The following BTBD16 variants were observed in gnomAD, a reference collection of about 807,000 sequenced individuals.
The protein encoded by BTBD16 is BTB/POZ domain-containing protein 16.
Under a neutral mutation model 67.4 loss-of-function variants are expected in BTBD16, and 66 were observed. The observed-to-expected ratio is 0.98, with a 90% CI of 0.80 to 1.20. The LOEUF is 1.20. BTBD16 is among the 50% of genes most tolerant of loss of function. The probability of loss-of-function intolerance (pLI) is 0.00; values close to 1 mark genes in which losing one functional copy is unlikely to be tolerated. For synonymous variants in BTBD16, 242 were observed against 236.4 expected (o/e 1.02, Z -0.22); for missense variants, 634 against 616.0 (o/e 1.03, Z -0.31).
Position 122,329,630 on chromosome 10 carries a change from C to A in BTBD16, c.1003+59C>A. On this transcript the variant is annotated intron_variant, in intron 11 of 15. Coordinates refer to ENST00000260723, the MANE Select transcript of BTBD16 (RefSeq NM_144587.5). The stretch of plus-strand genomic sequence containing the variant: ...AAAGCTGCTGGGCACCTGCCCACCC[C>A]CCAGCCACTGCCGGGGGAGCCCCAC... 3 of 1,442,162 alleles carry A rather than the reference C, an allele frequency of 2.1e-6. No individual in the cohort carries two copies. The South Asian group carries it at 3.5e-5, about 17-fold the overall frequency. The allele number at this position is 1,442,162 out of a possible 1,614,324, so 89.3% of individuals were successfully genotyped here.
chr10:122,290,828 C>T (rs941218389), intron 6 of BTBD16, among the ~76,000 whole-genome samples: 4 of 152,184 alleles, frequency 2.6e-5, no homozygotes, highest in African/African-American at 9.7e-5. Flanking sequence ...ATGGTCTCAC[C>T]CCTGAGAACA....
At position 122,276,543 on chromosome 10, in the gene BTBD16, C is replaced by T. The variant is rs966702383; in HGVS notation, c.19-248C>T. ...GCAAAAAACAGTCTTTCTCCTTGAC[C>T]TCTTACCCTCTGACACCTCTTGTCC... On this transcript the variant is annotated intron_variant, in intron 2 of 15. Coordinates refer to ENST00000260723, the MANE Select transcript of BTBD16 (RefSeq NM_144587.5). Among the ~76,000 whole-genome samples, 3 of 152,160 alleles carry T rather than the reference C, an allele frequency of 2.0e-5. No individual in the cohort carries two copies. In the East Asian group the frequency reaches 5.8e-4, roughly 29 times the overall value.
At chr10:122,323,761 C>T (rs897883289) in intron 10 of BTBD16, among the ~76,000 whole-genome samples, 2 of 152,134 alleles carry the variant, frequency 1.3e-5, no homozygotes, top group Non-Finnish European at 2.9e-5. Context: ...TCTGGTCTCA[C>T]CCTTTCATTT....
intron 1 of BTBD16, among the ~76,000 whole-genome samples, chr10:122,273,241 TATATAC>T (rs1353501930): frequency 4.0e-5 from 6 of 148,896 alleles, no homozygotes; most frequent in African/African-American, 1.5e-4. Flanking sequence ...TATATATATA[TATATAC>T]ACACATACAT....
chr10:122,281,034 C>T (rs554246728), intron 3 of BTBD16, among the ~76,000 whole-genome samples: 10 of 151,912 alleles, frequency 6.6e-5, no homozygotes, highest in Admixed American at 2.6e-4. Flanking sequence ...CTCAAACTCC[C>T]GGGCTCAAGT....
Position 122,298,989 on chromosome 10 carries a change from T to A in BTBD16, c.661-15T>A. 6.2e-7 allele frequency: 1 copy of A among 1,607,984 alleles called. No individual in the cohort carries two copies. On this transcript the variant is annotated splice_polypyrimidine_tract_variant and intron_variant, in intron 8 of 15. Coordinates refer to ENST00000260723, the MANE Select transcript of BTBD16 (RefSeq NM_144587.5). ...CTCAGGACTTCCTTCATCAACTGGC[T>A]TTTTTTTGTCTTAGTACAAGGAAGA...
At chr10:122,312,176 A>G (rs1304740116) in intron 10 of BTBD16, among the ~76,000 whole-genome samples, 2 of 152,246 alleles carry the variant, frequency 1.3e-5, no homozygotes, top group Non-Finnish European at 2.9e-5. Context: ...CAACTTTAGT[A>G]AATACTGCCA....
At chr10:122,329,065 C>T (rs944106830) in intron 10 of BTBD16, among the ~76,000 whole-genome samples, 1 of 152,166 alleles carries the variant, frequency 6.6e-6, no homozygotes, top group Admixed American at 6.5e-5. Flanking sequence ...CGAGCTGAGC[C>T]TCTTTTTCCC....
rs970728061 is a variant in BTBD16 at position 122,271,484 on chromosome 10, C to T, written c.-73C>T. ...ACTCAGCACACTTCCCCTGTAAACA[C>T]GCCTGTGGTGGGCAAAAGGGCTTTG... On this transcript the variant is annotated 5_prime_UTR_variant, in exon 1 of 16. It adds an upstream start codon to the 5' untranslated region. Coordinates refer to ENST00000260723, the MANE Select transcript of BTBD16 (RefSeq NM_144587.5). 3 of 152,286 alleles carry T rather than the reference C, an allele frequency of 2.0e-5. No homozygotes were observed. The highest frequency in any genetic ancestry group is 4.4e-5 in the Non-Finnish European group (3 of 68,074). 9.4% of individuals were successfully genotyped at this position (152,286 alleles called of 1,614,324 possible).
intron 9 of BTBD16, among the ~76,000 whole-genome samples, chr10:122,306,551 C>T (rs1214789425): frequency 6.6e-6 from 1 of 152,190 alleles, no homozygotes; most frequent in Non-Finnish European, 1.5e-5. Flanking sequence ...AGATTCTAAC[C>T]TGCCCTATAC....
intron 12 of BTBD16, 134 bp from the exon 13 acceptor site, chr10:122,332,302 T>A: frequency 1.4e-6 from 1 of 704,002 alleles, no homozygotes; most frequent in Non-Finnish European, 2.4e-6. Flanking sequence ...AATGGCTGAA[T>A]GTAAGTCTAG....
intron 10 of BTBD16, among the ~76,000 whole-genome samples, chr10:122,322,744 G>A (rs1183705737): frequency 1.3e-5 from 2 of 152,150 alleles, no homozygotes; most frequent in Non-Finnish European, 2.9e-5. Flanking sequence ...GGGGTTTGGT[G>A]TATTTCAGAA....
intron 3 of BTBD16, among the ~76,000 whole-genome samples, chr10:122,279,523 C>CACACACAT (rs1250249501): frequency 6.6e-6 from 1 of 151,458 alleles, no homozygotes; most frequent in East Asian, 1.9e-4. Context: ...CACACACACA[C>CACACACAT]ACACACACAC....
intron 8 of BTBD16, 156 bp from the exon 9 acceptor site, chr10:122,298,848 A>C (rs2096388434): frequency 4.0e-6 from 2 of 499,082 alleles, no homozygotes; most frequent in South Asian, 1.8e-4. Context: ...AAACACTTAG[A>C]AAAGGTATCT....
rs200969008 is a variant in BTBD16, at chr10:122,299,099, A to T, written c.756A>T (p.Pro252=). The T allele has an allele frequency of 2.7e-4, 431 of 1,613,956 alleles. 8 individuals are homozygous for T. The East Asian group carries it at 8.2e-3, about 31-fold the overall frequency. ...GGTQIHLHKI[P]QDLLHKVLKS... ...CGCAGATCCACCTCCACAAAATCCCACAGGACCTGCTCCACAAAGTGCTGA... is the reference window on the plus strand; with the variant it reads ...CGCAGATCCACCTCCACAAAATCCCTCAGGACCTGCTCCACAAAGTGCTGA... The change falls in exon 9 of 16, where the codon CCA becomes CCT. Residue 252 remains proline (P), a synonymous_variant. Coordinates refer to ENST00000260723, the MANE Select transcript of BTBD16 (RefSeq NM_144587.5).
chr10:122,312,502 G>A lies in BTBD16; in HGVS notation c.911+5194G>A, dbSNP rs375087057. Among the ~76,000 whole-genome samples the A allele has an allele frequency of 6.5e-4, 99 of 151,788 alleles. 4 individuals are homozygous for A. In the South Asian group the frequency reaches 0.019, roughly 29 times the overall value. On this transcript the variant is annotated intron_variant, in intron 10 of 15. Coordinates refer to ENST00000260723, the MANE Select transcript of BTBD16 (RefSeq NM_144587.5). ...TAATTTTTGTATTTTTAGTAAAGAC[G>A]GGGGTTTCACTATGTTGGCCAGGCT... is the stretch of plus-strand genomic sequence containing the variant.
At chr10:122,317,555 G>T (rs1301392156) in intron 10 of BTBD16, among the ~76,000 whole-genome samples, 3 of 152,116 alleles carry the variant, frequency 2.0e-5, no homozygotes. Context: ...GCTGAGGCAG[G>T]AGAATGGCGT....
intron 9 of BTBD16, among the ~76,000 whole-genome samples, 156 bp downstream of exon 9, chr10:122,299,290 G>T (rs1037679241): frequency 6.6e-6 from 1 of 152,114 alleles, no homozygotes; most frequent in African/African-American, 2.4e-5. Flanking sequence ...GGAACTCAGG[G>T]TGCTGTGTGT....
At chr10:122,294,226 AC>A in intron 7 of BTBD16, 1 of 985,342 alleles carries the variant, frequency 1.0e-6, no homozygotes, top group Non-Finnish European at 1.2e-6. Flanking sequence ...ATCATAGGAT[AC>A]ATGTGTGTTT....
Sources: allele counts gnomAD v4.1 joint callset (sites outside exome capture counted in the v4.1 genomes callset), GRCh38; gene constraint gnomAD v4.1.1; transcripts MANE v1.5; gene names NCBI Gene and HGNC (gene_info 2026-07-23, HGNC 2026-07-21).